TAF4: variants seen among roughly 807,000 people sequenced by gnomAD.
TAF4 encodes TATA-box binding protein associated factor 4.
A neutral mutation model predicts 90.3 loss-of-function variants in TAF4; 9 were observed. That is an observed-to-expected ratio of 0.10 (90% CI 0.06 to 0.17). The LOEUF (loss-of-function observed/expected upper bound fraction) is 0.17, where lower values mean the gene tolerates loss of function less well. TAF4 is among the 10% of genes least tolerant of loss of function. The pLI, the probability that TAF4 is intolerant of heterozygous loss-of-function variation, is 1.00. For synonymous variants in TAF4, 818 were observed against 638.9 expected (o/e 1.28, Z -4.23); for missense variants, 1,351 against 1,370.7 (o/e 0.99, Z 0.23).
Position 62,006,069 on chromosome 20 carries a change from T to G in TAF4, c.2223+441A>C, listed in dbSNP as rs1190713908. ...CGCTATGAGCAGCCGCGGCTTCGCC[T>G]CCCGGGACTCACCTAAATCCACCCT... On this transcript the variant is annotated intron_variant, in intron 7 of 14. Coordinates refer to ENST00000252996, the MANE Select transcript of TAF4 (RefSeq NM_003185.4). The surrounding 1 kb of genome is among the most constrained non-coding windows in gnomAD (Gnocchi z 7.0). 6.3e-6 allele frequency: 1 copy of G among 158,402 alleles called. No individual in the cohort carries two copies. The highest frequency in any genetic ancestry group is 2.4e-5 in the African/African-American group (1 of 41,704). 9.8% of individuals were successfully genotyped at this position (158,402 alleles called of 1,614,324 possible). A position where few individuals can be genotyped will look rare whatever the true frequency, so the allele number is the denominator to read the frequency against.
At chr20:62,011,050 TCCCGGTGGGTGCAGCCC>T (rs1307837253) in intron 3 of TAF4, among the ~76,000 whole-genome samples, 1 of 152,064 alleles carries the variant, frequency 6.6e-6, no homozygotes, top group Non-Finnish European at 1.5e-5. Flanking sequence ...GCGAGCTCTC[TCCCGGTGGGTGCAGCCC>T]CGCCAGCACG....
intron 14 of TAF4, among the ~76,000 whole-genome samples, chr20:61,995,332 G>C (rs1455032416): frequency 1.3e-5 from 2 of 152,192 alleles, no homozygotes; most frequent in African/African-American, 2.4e-5. Flanking sequence ...AAAAGAACTA[G>C]ATGGAAATCT....
intron 1 of TAF4, among the ~76,000 whole-genome samples, chr20:62,025,609 T>C (rs2055870316): frequency 6.6e-6 from 1 of 152,154 alleles, no homozygotes; most frequent in Non-Finnish European, 1.5e-5. Context: ...CCCTCCTGTC[T>C]CTCCTGCCGC....
At chr20:62,034,827 C>CTTTTCTTTTTTCTTTT in intron 1 of TAF4, among the ~76,000 whole-genome samples, 1 of 141,872 alleles carries the variant, frequency 7.0e-6, no homozygotes, top group East Asian at 2.3e-4. Flanking sequence ...TCATAGATTT[C>CTTTTCTTTTTTCTTTT]TTTTTTTTTT....
At chr20:62,013,937 G>A (rs1487231201) in intron 2 of TAF4, among the ~76,000 whole-genome samples, 4 of 147,958 alleles carry the variant, frequency 2.7e-5, no homozygotes, top group East Asian at 2.0e-4. Flanking sequence ...GTGTGTGTGT[G>A]TGTGTGTGTG....
intron 1 of TAF4, among the ~76,000 whole-genome samples, chr20:62,062,907 G>T (rs568314432): frequency 6.6e-6 from 1 of 152,300 alleles, no homozygotes; most frequent in African/African-American, 2.4e-5. Flanking sequence ...AGACACGTGG[G>T]ACCTCTGGAA....
intron 1 of TAF4, among the ~76,000 whole-genome samples, chr20:62,049,006 G>A (rs1480895399): frequency 1.7e-5 from 2 of 116,884 alleles, no homozygotes; most frequent in African/African-American, 6.7e-5. Flanking sequence ...CTCCCCACAT[G>A]CCCACCTCGG....
At chr20:62,037,078 C>T (rs1338191896) in intron 1 of TAF4, among the ~76,000 whole-genome samples, 1 of 152,226 alleles carries the variant, frequency 6.6e-6, no homozygotes, top group Non-Finnish European at 1.5e-5. Context: ...TATTTTGTTA[C>T]AGCAGCCAGA....
rs776107007 is a variant in TAF4, at chr20:62,014,176, G to A, written c.1521+371C>T. On this transcript the variant is annotated intron_variant, in intron 2 of 14. Coordinates refer to ENST00000252996, the MANE Select transcript of TAF4 (RefSeq NM_003185.4). The stretch of plus-strand genomic sequence containing the variant: ...GGCGCTGGTGGCGGTCCTGCCAGTG[G>A]AGTCCTAGCACCATCTCTACTTTGC... Among the ~76,000 whole-genome samples the A allele has an allele frequency of 7.9e-5, 12 of 152,214 alleles. No homozygotes were observed. In the South Asian group the frequency reaches 1.7e-3, roughly 21 times the overall value.
intron 1 of TAF4, 193 bp downstream of exon 1, chr20:62,064,258 A>T: frequency 1.9e-6 from 1 of 523,636 alleles, no homozygotes. Context: ...GGCTATGCCG[A>T]CTCCCTCTGG....
intron 1 of TAF4, among the ~76,000 whole-genome samples, chr20:62,032,757 T>G (rs944872982): frequency 1.3e-5 from 2 of 152,168 alleles, no homozygotes; most frequent in Admixed American, 1.3e-4. Flanking sequence ...CAGAACACAT[T>G]GGCAGGGAGA....
chr20:61,991,897 T>A (rs1190958010), intron 14 of TAF4, among the ~76,000 whole-genome samples: 3 of 151,644 alleles, frequency 2.0e-5, no homozygotes, highest in Non-Finnish European at 4.4e-5. Flanking sequence ...GAAAAACACG[T>A]GGCCTACAGG....
At chr20:62,003,128 G>A (rs998111972) in intron 9 of TAF4, 32 bp downstream of exon 9, 11 of 1,578,218 alleles carry the variant, frequency 7.0e-6, no homozygotes, top group South Asian at 3.3e-5. Context: ...CTCTGGCCAC[G>A]CTTCTCCAAC....
intron 14 of TAF4, among the ~76,000 whole-genome samples, chr20:61,996,942 G>A (rs1485757731): frequency 1.3e-5 from 2 of 152,102 alleles, no homozygotes; most frequent in Admixed American, 1.3e-4. Flanking sequence ...GACGGAAACA[G>A]ACCCACGGGA....
chr20:62,064,861 G>A lies in TAF4; in HGVS notation c.950C>T (p.Pro317Leu). The stretch of plus-strand genomic sequence containing the variant: ...GACCCCCGCGGGGCCCCCGGCGGCC[G>A]GGGCGGGGGCGGGGGCTGCCCCGGC... ...GSAGAAPAPA[P>L]AAGGPAGVSG... Residue 317 changes from proline (P) to leucine (L), a missense_variant, in exon 1 of 15, where the codon CCG becomes CTG. Physicochemically the swap from Pro to Leu is moderately conservative, Grantham distance 98. Coordinates refer to ENST00000252996, the MANE Select transcript of TAF4 (RefSeq NM_003185.4). 8 of 938,184 alleles carry A rather than the reference G, an allele frequency of 8.5e-6. No individual in the cohort carries two copies. Among genetic ancestry groups the A allele is most frequent in the Non-Finnish European group, 1.0e-5 (8 of 792,104 alleles). The allele number at this position is 938,184 out of a possible 1,614,324, so 58.1% of individuals were successfully genotyped here.
At chr20:62,039,844 GAA>G (rs1610992) in intron 1 of TAF4, among the ~76,000 whole-genome samples, 76,700 of 151,862 alleles carry the variant, frequency 0.51, 19,889 homozygotes, top group Middle Eastern at 0.64. Flanking sequence ...CAAAAGATTT[GAA>G]AAGACACCTC....
Position 62,012,862 on chromosome 20 carries a change from T to A in TAF4, c.1594A>T (p.Thr532Ser), listed in dbSNP as rs754260488. ...AGGGTTGCACTGGGCTGCACCGTTG[T>A]CTGGGCCTGAGACACTTGCTTAATT... is the stretch of plus-strand genomic sequence containing the variant. Reference protein sequence around the residue: ...TIIKQVSQAQTTVQPSATLQR... With the variant: ...TIIKQVSQAQSTVQPSATLQR... The change falls in exon 3 of 15, where the codon ACA (threonine) becomes TCA (serine). Residue 532 changes from threonine to serine, a missense_variant. Thr to Ser is a moderately conservative substitution (Grantham distance 58). Coordinates refer to ENST00000252996, the MANE Select transcript of TAF4 (RefSeq NM_003185.4). 6.2e-7 allele frequency: 1 copy of A among 1,614,196 alleles called. No homozygotes were observed. The highest frequency in any genetic ancestry group is 8.5e-7 in the Non-Finnish European group (1 of 1,180,034).
chr20:62,051,117 C>T (rs1187279081), intron 1 of TAF4, among the ~76,000 whole-genome samples: 1 of 152,218 alleles, frequency 6.6e-6, no homozygotes, highest in African/African-American at 2.4e-5. Context: ...CAGCCCATGG[C>T]CCCCAGTGTC....
chr20:61,984,480 G>A (rs1043223847), intron 14 of TAF4, among the ~76,000 whole-genome samples: 1 of 152,226 alleles, frequency 6.6e-6, no homozygotes, highest in Non-Finnish European at 1.5e-5. Context: ...CGTGTCGACA[G>A]CCCAGATGTG....
Sources: gnomAD v4.1 joint callset for allele counts (sites outside exome capture counted in the v4.1 genomes callset) on GRCh38, gnomAD v4.1.1 for gene constraint, Gnocchi (gnomAD v3.1) non-coding constraint, MANE v1.5 for transcripts, NCBI Gene and HGNC (gene_info 2026-07-23, HGNC 2026-07-21) for gene names.